Variants in FHL2 observed in about 807,000 individuals in gnomAD.
FHL2 encodes four and a half LIM domains 2.
A neutral mutation model predicts 32.7 loss-of-function variants in FHL2; 20 were observed. The ratio of observed to expected loss-of-function variants is 0.61; its 90% CI spans 0.43 to 0.89. FHL2 has a LOEUF of 0.89. Ranked by LOEUF, FHL2 falls within the 40% of genes least tolerant of loss-of-function variation. FHL2 has a pLI of 0.00. For missense variants in FHL2, 311 were observed against 358.6 expected (o/e 0.87, Z 1.07); for synonymous variants, 123 against 128.1 (o/e 0.96, Z 0.27).
downstream of FHL2, chr2:105,358,920 C>T (rs901275471): frequency 4.6e-5 from 7 of 152,126 alleles, no homozygotes; most frequent in Non-Finnish European, 1.0e-4. Flanking sequence ...GCTGTTTGTC[C>T]CGAACTCTGG....
At chr2:105,402,247 G>A (rs199868865), upstream of FHL2, among the ~76,000 whole-genome samples, 2 of 150,188 alleles carry the variant, frequency 1.3e-5, no homozygotes, top group Non-Finnish European at 3.0e-5. Context: ...GTGTGTGTGT[G>A]TATATATATA....
At position 105,411,142 on chromosome 2, in the gene FHL2, C is replaced by T. The variant is rs903527930; in HGVS notation, c.-24-24602G>A. ...ACACAGGTGTGTGCATAACCACCAT[C>T]GCTCTAATCCTTAGGTTCATTCTTT... On this transcript the variant is annotated intron_variant, in intron 1 of 5. Coordinates refer to the FHL2 transcript ENST00000393352. 5.0e-4 allele frequency among the ~76,000 whole-genome samples: 76 copies of T among 152,192 alleles called. 4 individuals are homozygous for T. The highest frequency in any genetic ancestry group is 1.5e-5 in the Non-Finnish European group (1 of 68,044).
chr2:105,390,969 G>C (rs1228786621), intron 2 of FHL2, among the ~76,000 whole-genome samples: 1 of 150,994 alleles, frequency 6.6e-6, no homozygotes, highest in Non-Finnish European at 1.5e-5. Context: ...GCTAATTTGT[G>C]TGTGTGTGTA....
At chr2:105,434,578 C>CAAA (rs1684532515) in intron 1 of FHL2, among the ~76,000 whole-genome samples, 1 of 151,006 alleles carries the variant, frequency 6.6e-6, no homozygotes, top group Non-Finnish European at 1.5e-5. Context: ...AAAAAAAAAA[C>CAAA]AAAACAAACA....
chr2:105,390,979 ATGTG>A (rs200723734), intron 2 of FHL2, among the ~76,000 whole-genome samples: 1 of 148,860 alleles, frequency 6.7e-6, no homozygotes, highest in East Asian at 2.0e-4. Flanking sequence ...GTGTGTGTGT[ATGTG>A]TGTGTGTGTA....
At position 105,379,986 on chromosome 2, in the gene FHL2, G is replaced by A. The variant is rs532024860; in HGVS notation, c.157-6253C>T. ...GTTTCCCTGTCACTCTCTGAATGGG[G>A]CGCCCAGTTTGTGTTGTCTTTAGAA... On this transcript the variant is annotated intron_variant, in intron 3 of 6. Transcript: ENST00000530340. 5.3e-5 allele frequency among the ~76,000 whole-genome samples: 8 copies of A among 152,318 alleles called. No homozygotes were observed. In the South Asian group the frequency reaches 1.7e-3, roughly 32 times the overall value.
At chr2:105,360,138 T>TA (rs1558675041), downstream of FHL2, 1 of 151,890 alleles carries the variant, frequency 6.6e-6, no homozygotes, top group Non-Finnish European at 1.5e-5. Context: ...CCATCTCTAC[T>TA]AAAAATACAA....
upstream of FHL2, among the ~76,000 whole-genome samples, chr2:105,402,269 T>C (rs1037577380): frequency 3.4e-4 from 52 of 151,674 alleles, no homozygotes; most frequent in Middle Eastern, 3.4e-3. Flanking sequence ...GTATTTGAGA[T>C]GGAGTCTTGC....
intron 3 of FHL2, among the ~76,000 whole-genome samples, chr2:105,381,831 C>T (rs1237644047): frequency 3.3e-5 from 5 of 152,070 alleles, no homozygotes; most frequent in Non-Finnish European, 7.4e-5. Flanking sequence ...AAAAAAGCAC[C>T]AGGTTGGCAG....
intron 4 of FHL2, among the ~76,000 whole-genome samples, chr2:105,370,375 A>C (rs957584500): frequency 3.5e-5 from 4 of 115,110 alleles, no homozygotes; most frequent in African/African-American, 1.3e-4. Flanking sequence ...ATCCTGGCTC[A>C]AAAAAAAAAA....
chr2:105,414,653 A>G (rs55926828), intron 1 of FHL2, among the ~76,000 whole-genome samples: 54,830 of 152,052 alleles, frequency 0.36, 10,471 homozygotes, highest in Admixed American at 0.47. Context: ...CCTGAGTTCA[A>G]GCAATTCTCC....
chr2:105,405,089 G>A (rs1241631016), intron 1 of FHL2, among the ~76,000 whole-genome samples: 2 of 152,110 alleles, frequency 1.3e-5, no homozygotes, highest in African/African-American at 2.4e-5. Context: ...GTTGCTGGAT[G>A]GTTTCAGATG....
chr2:105,437,636 A>AGATTAGAC (rs1415588610), intron 1 of FHL2, among the ~76,000 whole-genome samples: 1 of 152,174 alleles, frequency 6.6e-6, no homozygotes, highest in Non-Finnish European at 1.5e-5. Flanking sequence ...TTTTCTTTTT[A>AGATTAGAC]GATTAGACTT....
At chr2:105,369,329 AAGCTAGGGGTTGTATTTT>A (rs1680859654) in intron 4 of FHL2, among the ~76,000 whole-genome samples, 1 of 152,218 alleles carries the variant, frequency 6.6e-6, no homozygotes, top group Non-Finnish European at 1.5e-5. Flanking sequence ...CCCAAGGACA[AAGCTAGGGGTTGTATTTT>A]AGCTGGCTAG....
Position 105,399,047 on chromosome 2 carries a change from C to G in FHL2, c.-281G>C, listed in dbSNP as rs895931620. 15 of 1,496,056 alleles carry G rather than the reference C, an allele frequency of 1.0e-5. No individual in the cohort carries two copies. In the African/African-American group the frequency reaches 1.3e-4, roughly 13 times the overall value. 92.7% of individuals were successfully genotyped at this position (1,496,056 alleles called of 1,614,324 possible). A position where few individuals can be genotyped will look rare whatever the true frequency, so the allele number is the denominator to read the frequency against. On this transcript the variant is annotated 5_prime_UTR_variant, in exon 1 of 7. Transcript: ENST00000530340. Reference sequence around the variant, plus strand: ...TGGTGGCTGCGGCTCCGCTGCCGGCCGAGTGGAGCGCTGCGCAGCTCCCGC... The same window carrying G: ...TGGTGGCTGCGGCTCCGCTGCCGGCGGAGTGGAGCGCTGCGCAGCTCCCGC...
intron 5 of FHL2, among the ~76,000 whole-genome samples, chr2:105,365,959 C>A (rs1179382205): frequency 6.6e-6 from 1 of 152,068 alleles, no homozygotes; most frequent in Non-Finnish European, 1.5e-5. Flanking sequence ...AATCCCAGCA[C>A]TTTGGGAGGT....
chr2:105,431,513 C>A (rs1684429771), intron 1 of FHL2, among the ~76,000 whole-genome samples: 2 of 152,168 alleles, frequency 1.3e-5, no homozygotes, highest in Admixed American at 6.5e-5. Flanking sequence ...CCAGCAGGTG[C>A]AAATGCCCTG....
At chr2:105,399,124 G>C (rs774211482), upstream of FHL2, 9 of 1,401,280 alleles carry the variant, frequency 6.4e-6, no homozygotes, top group Admixed American at 6.9e-5. Flanking sequence ...TGCACGCCTC[G>C]GCTCGCTGGC....
chr2:105,385,188 CCT>C (rs751688658), intron 3 of FHL2, among the ~76,000 whole-genome samples: 8 of 152,134 alleles, frequency 5.3e-5, no homozygotes, highest in Non-Finnish European at 1.0e-4. Flanking sequence ...TGGTGCTGTA[CCT>C]CTTTCGTCTC....
Sources: allele counts gnomAD v4.1 joint callset (sites outside exome capture counted in the v4.1 genomes callset), GRCh38; gene constraint gnomAD v4.1.1; transcripts MANE v1.5; gene names NCBI Gene and HGNC (gene_info 2026-07-23, HGNC 2026-07-21).